The following CDH20 variants were observed in gnomAD, a reference collection of about 807,000 sequenced individuals.
CDH20 encodes cadherin-20.
CDH20 carries 29 observed loss-of-function variants against 74.2 expected under a neutral mutation model. The ratio of observed to expected loss-of-function variants is 0.39; its 90% confidence interval spans 0.29 to 0.53. The LOEUF is 0.53. CDH20 is among the 20% of genes least tolerant of loss of function. The pLI, the probability that CDH20 is intolerant of heterozygous loss-of-function variation, is 0.69. For synonymous variants in CDH20, 469 were observed against 405.4 expected (o/e 1.16, Z -1.88); for missense variants, 988 against 1,048.3 (o/e 0.94, Z 0.79).
chr18:61,364,462 G>T (rs1191722577), intron 1 of CDH20, among the ~76,000 whole-genome samples: 1 of 152,084 alleles, frequency 6.6e-6, no homozygotes, highest in African/African-American at 2.4e-5. Context: ...ACAGGCATGC[G>T]CCACCACACC....
At chr18:61,551,738 C>A (rs1913442005) in intron 11 of CDH20, among the ~76,000 whole-genome samples, 1 of 152,180 alleles carries the variant, frequency 6.6e-6, no homozygotes, top group African/African-American at 2.4e-5. Context: ...AAGTGGATGA[C>A]CTGTAAGAGG....
rs984580839 is a variant in CDH20, at chr18:61,490,660, C to T, written c.107C>T (p.Thr36Ile). Residue 36 changes from threonine (T) to isoleucine (I), a missense_variant, in exon 2 of 12, where the codon ACC becomes ATC. This residue lies in a region of CDH20 where 613 missense variants were observed against 755.2 expected (regional missense o/e 0.81). Transcript: ENST00000262717. ...CTTACGACCACCGTTCTCTCGGACA[C>T]CCCAACACCACAAGGTGAATTAGAA... ...MDLTTTVLSD[T>I]PTPQGELEAL... 2.5e-6 allele frequency: 4 copies of T among 1,614,064 alleles called. No individual in the cohort carries two copies. The highest frequency in any genetic ancestry group is 3.4e-6 in the Non-Finnish European group (4 of 1,180,014).
chr18:61,462,722 AAAG>A (rs1333304524), intron 1 of CDH20, among the ~76,000 whole-genome samples: 138 of 119,366 alleles, frequency 1.2e-3, no homozygotes, highest in African/African-American at 3.9e-3. Context: ...ACAAAAAAAA[AAAG>A]GGGGGGGGGG....
intron 1 of CDH20, among the ~76,000 whole-genome samples, chr18:61,390,545 A>G (rs1452503252): frequency 6.6e-6 from 1 of 152,178 alleles, no homozygotes; most frequent in East Asian, 1.9e-4. Context: ...ACAAAGAAGA[A>G]TAATGTGGAT....
chr18:61,505,475 A>G lies in CDH20; in HGVS notation c.830-1898A>G, dbSNP rs572177060. On this transcript the variant is annotated intron_variant, in intron 5 of 11. Coordinates refer to ENST00000262717, the MANE Select transcript of CDH20 (RefSeq NM_031891.4). The stretch of plus-strand genomic sequence containing the variant: ...CCTCAGCTCCTGAATAGCCAGAACT[A>G]CAGGTGCACACCACCATGCCCAGCT... Among the ~76,000 whole-genome samples, 84 of 151,938 alleles carry G rather than the reference A, an allele frequency of 5.5e-4. No homozygotes were observed. The South Asian group carries it at 0.017, about 30-fold the overall frequency.
intron 1 of CDH20, among the ~76,000 whole-genome samples, chr18:61,378,445 T>C (rs760399575): frequency 1.3e-5 from 2 of 152,168 alleles, no homozygotes; most frequent in Non-Finnish European, 2.9e-5. Flanking sequence ...ACACAGCCTT[T>C]TTATTCTATT....
chr18:61,480,233 C>T (rs150640836), intron 1 of CDH20, among the ~76,000 whole-genome samples: 44 of 152,258 alleles, frequency 2.9e-4, no homozygotes, highest in Admixed American at 1.6e-3. Context: ...GTAACTCTGA[C>T]GGTCATATCC....
At chr18:61,394,094 C>T (rs1282534581) in intron 1 of CDH20, among the ~76,000 whole-genome samples, 1 of 152,130 alleles carries the variant, frequency 6.6e-6, no homozygotes, top group Non-Finnish European at 1.5e-5. Flanking sequence ...TCTCTACCTC[C>T]CCCAAGTTCA....
intron 1 of CDH20, among the ~76,000 whole-genome samples, chr18:61,418,559 A>AAAAAAAAAAAT: frequency 6.7e-6 from 1 of 149,872 alleles, no homozygotes; most frequent in East Asian, 1.9e-4. Context: ...GTCTCAAAAA[A>AAAAAAAAAAAT]AAAAAAAAAA....
chr18:61,346,655 T>C (rs1021044020), intron 1 of CDH20, among the ~76,000 whole-genome samples: 1 of 152,158 alleles, frequency 6.6e-6, no homozygotes, highest in African/African-American at 2.4e-5. Flanking sequence ...TAGGTAGATA[T>C]GAGGTTAATT....
At chr18:61,516,605 G>T (rs1234571146) in intron 6 of CDH20, among the ~76,000 whole-genome samples, 1 of 152,014 alleles carries the variant, frequency 6.6e-6, no homozygotes, top group Non-Finnish European at 1.5e-5. Context: ...TTGGAAATTG[G>T]ATTCTCAGAT....
chr18:61,408,885 T>A, intron 1 of CDH20, among the ~76,000 whole-genome samples: 1 of 152,074 alleles, frequency 6.6e-6, no homozygotes, highest in East Asian at 1.9e-4. Flanking sequence ...AAACTAAACT[T>A]CACAAGTATG....
At chr18:61,385,260 T>C (rs1911555703) in intron 1 of CDH20, among the ~76,000 whole-genome samples, 1 of 152,204 alleles carries the variant, frequency 6.6e-6, no homozygotes, top group Non-Finnish European at 1.5e-5. Context: ...ACCATGATTA[T>C]GTGAGACTGT....
In CDH20 at chr18:61,528,101, C is replaced by T. The variant is rs758261493; in HGVS notation, c.1152C>T (p.Asp384=). Residue 384 remains aspartate, a synonymous_variant, in exon 7 of 12, where the codon GAC becomes GAT. Transcript: ENST00000262717. Reference sequence around the variant, plus strand: ...TGCACATCAGTGTGGAAGACGTGGACGAGCCCCCTGTGTTTGAACCTGGCT... The same window carrying T: ...TGCACATCAGTGTGGAAGACGTGGATGAGCCCCCTGTGTTTGAACCTGGCT... ...TTVHISVEDV[D]EPPVFEPGFY... 11 of 1,614,098 alleles carry T rather than the reference C, an allele frequency of 6.8e-6. No individual in the cohort carries two copies. Among genetic ancestry groups the T allele is most frequent in the South Asian group, 2.2e-5 (2 of 91,076 alleles).
At chr18:61,347,563 C>G (rs910430770) in intron 1 of CDH20, among the ~76,000 whole-genome samples, 31 of 147,856 alleles carry the variant, frequency 2.1e-4, no homozygotes, top group African/African-American at 8.1e-4. Flanking sequence ...CACACACACA[C>G]AAAAACACAA....
chr18:61,358,289 A>ATT (rs879463005), intron 1 of CDH20, among the ~76,000 whole-genome samples: 2 of 137,734 alleles, frequency 1.5e-5, no homozygotes, highest in East Asian at 2.1e-4. Flanking sequence ...TAATTTTTGT[A>ATT]TTTTTTTTTT....
chr18:61,545,315 C>T (rs973336702), intron 10 of CDH20, among the ~76,000 whole-genome samples, 171 bp downstream of exon 10: 5 of 149,784 alleles, frequency 3.3e-5, no homozygotes, highest in African/African-American at 1.2e-4. Flanking sequence ...TCTATGTTGG[C>T]CAGGTTGGTC....
At chr18:61,351,475 T>C (rs1408064458) in intron 1 of CDH20, among the ~76,000 whole-genome samples, 1 of 152,192 alleles carries the variant, frequency 6.6e-6, no homozygotes, top group Non-Finnish European at 1.5e-5. Flanking sequence ...ATAATGCTGA[T>C]CTCAAAAGAA....
chr18:61,554,482 C>T lies in CDH20; in HGVS notation c.2193C>T (p.Tyr731=). The part of the protein sequence containing the change: ...TVHSYVLAKL[Y]EADMDLWAPP... ...ACAGCTACGTGCTGGCCAAGCTCTA[C>T]GAGGCCGACATGGACCTGTGGGCAC... The change falls in exon 12 of 12, where the codon TAC becomes TAT. Residue 731 remains tyrosine (Y), a synonymous_variant. Coordinates refer to ENST00000262717, the MANE Select transcript of CDH20 (RefSeq NM_031891.4). 2 of 1,612,934 alleles carry T rather than the reference C, an allele frequency of 1.2e-6. No homozygotes were observed. Among genetic ancestry groups the T allele is most frequent in the Non-Finnish European group, 1.7e-6 (2 of 1,179,732 alleles).
Sources: gnomAD v4.1 joint callset for allele counts (sites outside exome capture counted in the v4.1 genomes callset) on GRCh38, gnomAD v4.1.1 for gene constraint, gnomAD v4.1.1 regional missense constraint, MANE v1.5 for transcripts, NCBI Gene and HGNC (gene_info 2026-07-23, HGNC 2026-07-21) for gene names.